MROH1: variants seen among roughly 807,000 people sequenced by gnomAD.
MROH1 encodes the protein maestro heat like repeat family member 1, also known as maestro heat-like repeat-containing protein family member 1.
Under a neutral mutation model 116.5 loss-of-function variants are expected in MROH1, and 117 were observed. The observed-to-expected ratio is 1.00, with a 90% CI of 0.86 to 1.17. The LOEUF is 1.17. MROH1 is among the 50% of genes most tolerant of loss of function. MROH1 has a pLI of 0.00. For synonymous variants in MROH1, 921 were observed against 583.9 expected (o/e 1.58, Z -8.32); for missense variants, 1,873 against 1,338.5 (o/e 1.40, Z -6.23).
chr8:144,259,002 C>T, intron 36 of MROH1, 88 bp downstream of exon 36: 2 of 647,682 alleles, frequency 3.1e-6, no homozygotes, highest in Non-Finnish European at 5.7e-6. Flanking sequence ...AGGCGGGGGC[C>T]CATGCGTGTC....
chr8:144,191,493 G>A (rs1444176462), intron 8 of MROH1, among the ~76,000 whole-genome samples: 1 of 152,168 alleles, frequency 6.6e-6, no homozygotes, highest in Non-Finnish European at 1.5e-5. Context: ...TGCTGGCGGG[G>A]CACTGAGCAT....
chr8:144,159,523 G>A (rs1318709970), intron 1 of MROH1, among the ~76,000 whole-genome samples: 4 of 152,172 alleles, frequency 2.6e-5, no homozygotes, highest in Non-Finnish European at 5.9e-5. Flanking sequence ...TTTGTCTAAT[G>A]TGACTCCAGC....
At chr8:144,160,004 C>T (rs1041789387) in intron 1 of MROH1, among the ~76,000 whole-genome samples, 2 of 152,116 alleles carry the variant, frequency 1.3e-5, no homozygotes, top group Non-Finnish European at 2.9e-5. Context: ...CTCCTGAGCT[C>T]ATGATCCACC....
rs1486192766 is a variant in MROH1 at position 144,254,904 on chromosome 8, G to A, written c.3520G>A (p.Val1174Ile). 10 of 777,902 alleles carry A rather than the reference G, an allele frequency of 1.3e-5. No homozygotes were observed. The highest frequency in any genetic ancestry group is 7.3e-5 in the East Asian group (3 of 41,228). The allele number at this position is 777,902 out of a possible 1,614,324, so 48.2% of individuals were successfully genotyped here. A position where few individuals can be genotyped will look rare whatever the true frequency, so the allele number is the denominator to read the frequency against. ...GLLLEKMSRD[V>I]PFKESRAFLL... ...GCTGCTGGAGAAGATGAGTAGGGAC[G>A]TCCCTTTCAAGGAGAGCCGGGCCTT... Residue 1174 changes from valine to isoleucine, a missense_variant, in exon 34 of 44, where the codon GTC (valine) becomes ATC (isoleucine). Physicochemically the swap from Val to Ile is conservative, Grantham distance 29. Coordinates refer to ENST00000326134, the MANE Select transcript of MROH1 (RefSeq NM_032450.3).
At chr8:144,245,047 C>T in intron 28 of MROH1, 109 bp from the exon 29 acceptor site, 1 of 760,794 alleles carries the variant, frequency 1.3e-6, no homozygotes, top group South Asian at 1.4e-5. Flanking sequence ...CCCCCTGTAG[C>T]CCAGGAAGGA....
chr8:144,226,426 A>G (rs981620738), intron 14 of MROH1, among the ~76,000 whole-genome samples: 1 of 152,114 alleles, frequency 6.6e-6, no homozygotes, highest in Non-Finnish European at 1.5e-5. Context: ...ATCTGTCAGC[A>G]GTACCACACT....
intron 10 of MROH1, chr8:144,193,190 A>C (rs922811159): frequency 6.4e-6 from 1 of 156,502 alleles, no homozygotes; most frequent in East Asian, 1.9e-4. Flanking sequence ...AGTGCTGTGA[A>C]CAGTTACATG....
Position 144,252,196 on chromosome 8 carries a change from G to A in MROH1, c.3428+1830G>A, listed in dbSNP as rs1036605452. On this transcript the variant is annotated intron_variant, in intron 33 of 43. Transcript: ENST00000326134. ...TGTTCCTGGGAGTGTCTGTTGGTGG[G>A]TAGAGCATGCATTTCTCTTTCGTGT... The A allele has an allele frequency of 8.5e-5, 14 of 164,802 alleles. No individual in the cohort carries two copies. The South Asian group carries it at 1.3e-3, about 15-fold the overall frequency. The allele number at this position is 164,802 out of a possible 1,614,324, so 10.2% of individuals were successfully genotyped here.
At chr8:144,241,256 G>T in intron 21 of MROH1, 139 bp from the exon 22 acceptor site, 1 of 689,694 alleles carries the variant, frequency 1.4e-6, no homozygotes, top group Non-Finnish European at 2.7e-6. Context: ...TGCAGAGAGG[G>T]TGTGTGCATG....
intron 12 of MROH1, chr8:144,200,781 C>A: frequency 2.0e-6 from 1 of 501,726 alleles, no homozygotes; most frequent in Non-Finnish European, 3.7e-6. Flanking sequence ...CTGCAGACAC[C>A]ATGCGTGGCC....
chr8:144,259,321 C>A lies in MROH1; in HGVS notation c.4011C>A (p.Asn1337Lys). Residue 1337 changes from asparagine (N) to lysine (K), a missense_variant, in exon 37 of 44, where the codon AAC (asparagine) becomes AAA (lysine). Transcript: ENST00000326134. ...LACTHSSAYE[N>K]QRVTTTAFLA... ...GCACACACAGCAGTGCGTATGAGAA[C>A]CAGAGGGTGACCACCACCGCCTTCC... is the stretch of plus-strand genomic sequence containing the variant. The A allele has an allele frequency of 1.4e-6, 1 of 715,196 alleles. No homozygotes were observed. The highest frequency in any genetic ancestry group is 2.0e-5 in the Admixed American group (1 of 50,014). The allele number at this position is 715,196 out of a possible 1,614,324, so 44.3% of individuals were successfully genotyped here.
At chr8:144,246,042 T>C (rs1339531918) in intron 29 of MROH1, among the ~76,000 whole-genome samples, 125 of 83,672 alleles carry the variant, frequency 1.5e-3, no homozygotes, top group Middle Eastern at 0.011. Context: ...CTCCCTCCCT[T>C]CCTCCCCTCC....
At position 144,180,691 on chromosome 8, in the gene MROH1, G is replaced by A. The variant is rs554277334; in HGVS notation, c.562+168G>A. ...GCTGCTGGCTGGTTGGGGGGCCCAT[G>A]TGGGGCTGACACAGCCTCTGTCTCT... On this transcript the variant is annotated intron_variant, in intron 7 of 43. Coordinates refer to ENST00000326134, the MANE Select transcript of MROH1 (RefSeq NM_032450.3). The surrounding 1 kb of genome is among the most constrained non-coding windows in gnomAD (Gnocchi z 7.4). 6.6e-4 allele frequency among the ~76,000 whole-genome samples: 101 copies of A among 152,292 alleles called. No individual in the cohort carries two copies. The highest frequency in any genetic ancestry group is 1.2e-3 in the Non-Finnish European group (82 of 68,000).
At chr8:144,215,619 C>T (rs763467748) in intron 12 of MROH1, among the ~76,000 whole-genome samples, 1 of 152,204 alleles carries the variant, frequency 6.6e-6, no homozygotes, top group South Asian at 2.1e-4. Context: ...CGCCTGTAAT[C>T]CCAGCACTTT....
intron 12 of MROH1, among the ~76,000 whole-genome samples, chr8:144,216,505 G>A (rs988296588): frequency 6.6e-6 from 1 of 152,030 alleles, no homozygotes; most frequent in African/African-American, 2.4e-5. Context: ...ACAGTGTCCA[G>A]TGTCTTTGCC....
chr8:144,257,978 T>G (rs1045177757), intron 35 of MROH1, among the ~76,000 whole-genome samples: 16 of 152,170 alleles, frequency 1.1e-4, no homozygotes, highest in African/African-American at 3.9e-4. Flanking sequence ...GGGCATCCTC[T>G]GCCCCAGACC....
chr8:144,172,867 A>G (rs143648282), intron 4 of MROH1, among the ~76,000 whole-genome samples: 336 of 152,294 alleles, frequency 2.2e-3, no homozygotes, highest in Non-Finnish European at 3.4e-3. Flanking sequence ...CCTAAAATGT[A>G]TAAAACCAAA....
chr8:144,255,698 C>G lies in MROH1; in HGVS notation c.3784C>G (p.Pro1262Ala). The change falls in exon 35 of 44, where the codon CCC becomes GCC. Residue 1262 changes from proline (P) to alanine (A), a missense_variant. Transcript: ENST00000326134. ...SPALATRNLE[P>A]CSSAVDTLRS... is the part of the protein sequence containing the mutation. ...AGCCCTAGCCACCAGGAACCTGGAACCCTGCAGGTATCTGGGTCCCCACTT... is the reference window on the plus strand; with the variant it reads ...AGCCCTAGCCACCAGGAACCTGGAAGCCTGCAGGTATCTGGGTCCCCACTT... 1 of 757,288 alleles carries G rather than the reference C, an allele frequency of 1.3e-6. No homozygotes were observed. The highest frequency in any genetic ancestry group is 2.5e-6 in the Non-Finnish European group (1 of 407,338). 46.9% of individuals were successfully genotyped at this position (757,288 alleles called of 1,614,324 possible).
chr8:144,203,653 G>A (rs1832194525), intron 12 of MROH1, among the ~76,000 whole-genome samples: 1 of 152,124 alleles, frequency 6.6e-6, no homozygotes, highest in Non-Finnish European at 1.5e-5. Context: ...GTGGTCCTTG[G>A]GGAAGGGAGC....
Sources: gnomAD v4.1 joint callset for allele counts (sites outside exome capture counted in the v4.1 genomes callset) on GRCh38, gnomAD v4.1.1 for gene constraint, Gnocchi (gnomAD v3.1) non-coding constraint, MANE v1.5 for transcripts, NCBI Gene and HGNC (gene_info 2026-07-23, HGNC 2026-07-21) for gene names.